RDX: variants seen among roughly 807,000 people sequenced by gnomAD.
The protein encoded by RDX is deafness, autosomal recessive 24.
A neutral mutation model predicts 83.7 loss-of-function variants in RDX; 32 were observed. The ratio of observed to expected loss-of-function variants is 0.38; its 90% CI spans 0.29 to 0.51. The LOEUF (loss-of-function observed/expected upper bound fraction) is 0.51, where lower values mean the gene tolerates loss of function less well. Ranked by LOEUF, RDX falls within the 20% of genes least tolerant of loss-of-function variation. The pLI is 0.87. For missense variants in RDX, 600 were observed against 689.9 expected (o/e 0.87, Z 1.46); for synonymous variants, 229 against 222.7 (o/e 1.03, Z -0.25).
intron 10 of RDX, chr11:110,237,950 A>G (rs1864930672): frequency 3.5e-6 from 1 of 289,380 alleles, no homozygotes; most frequent in Admixed American, 4.5e-5. Flanking sequence ...CAAAAGCCTA[A>G]TAATTTTTAA....
intron 14 of RDX, among the ~76,000 whole-genome samples, chr11:110,222,502 A>G (rs1864283101): frequency 6.6e-6 from 1 of 152,202 alleles, no homozygotes. Flanking sequence ...GAATGCATAT[A>G]AATTACTAAA....
At chr11:110,249,137 T>A (rs1002776043) in intron 9 of RDX, among the ~76,000 whole-genome samples, 1 of 152,218 alleles carries the variant, frequency 6.6e-6, no homozygotes, top group Non-Finnish European at 1.5e-5. Flanking sequence ...ATGGGGAAAC[T>A]CTTATTATCA....
chr11:110,211,999 G>A (rs1480784387), intron 14 of RDX, among the ~76,000 whole-genome samples: 1 of 141,402 alleles, frequency 7.1e-6, no homozygotes, highest in Non-Finnish European at 1.5e-5. Flanking sequence ...CAGAACTGAA[G>A]GAAATAGAGA....
At chr11:110,219,576 C>G (rs1470437585) in intron 14 of RDX, among the ~76,000 whole-genome samples, 1 of 152,052 alleles carries the variant, frequency 6.6e-6, no homozygotes, top group East Asian at 1.9e-4. Context: ...TGGTCACATT[C>G]TGGATACATT....
At chr11:110,221,177 G>T (rs1864234396) in intron 14 of RDX, among the ~76,000 whole-genome samples, 1 of 152,072 alleles carries the variant, frequency 6.6e-6, no homozygotes, top group Admixed American at 6.5e-5. Context: ...ATGGGGAGAG[G>T]GAAATCACAA....
At chr11:110,289,171 G>A (rs1443781621) in intron 1 of RDX, among the ~76,000 whole-genome samples, 2 of 149,578 alleles carry the variant, frequency 1.3e-5, no homozygotes, top group South Asian at 2.1e-4. Flanking sequence ...CTGGGAGGCC[G>A]AGGTTGTGGT....
At chr11:110,246,162 C>A (rs1293623621) in intron 10 of RDX, among the ~76,000 whole-genome samples, 1 of 152,178 alleles carries the variant, frequency 6.6e-6, no homozygotes, top group Non-Finnish European at 1.5e-5. Context: ...TCCTAAAGTG[C>A]TGGGATTACA....
downstream of RDX, among the ~76,000 whole-genome samples, chr11:110,226,446 T>C (rs757129039): frequency 1.3e-5 from 2 of 152,028 alleles, no homozygotes; most frequent in African/African-American, 2.4e-5. Flanking sequence ...AGACAGAAAG[T>C]AGAACAGTGG....
intron 3 of RDX, among the ~76,000 whole-genome samples, chr11:110,266,895 T>G (rs112419693): frequency 2.3e-5 from 1 of 43,576 alleles, no homozygotes; most frequent in Admixed American, 1.9e-4. Context: ...GCCCTTGGTT[T>G]GTTTGTTTGT....
At chr11:110,223,646 G>C (rs987860190) in intron 14 of RDX, among the ~76,000 whole-genome samples, 1 of 152,030 alleles carries the variant, frequency 6.6e-6, no homozygotes, top group African/African-American at 2.4e-5. Context: ...TTGAGAACTA[G>C]ATTGTATTAG....
chr11:110,218,721 G>A lies in RDX; in HGVS notation c.1748+13152C>T, dbSNP rs1429399850. ...TCTGTGACTCGATATATTTGCATAT[G>A]CAGTTACTTCTTTCCAGAAACTTTC... On this transcript the variant is annotated intron_variant, in intron 14 of 15. Coordinates refer to the RDX transcript ENST00000528498. 2.6e-5 allele frequency among the ~76,000 whole-genome samples: 4 copies of A among 152,316 alleles called. No individual in the cohort carries two copies. In the East Asian group the frequency reaches 7.7e-4, roughly 29 times the overall value.
At chr11:110,236,347 T>TG in intron 11 of RDX, 156 bp from the exon 12 acceptor site, 1 of 618,554 alleles carries the variant, frequency 1.6e-6, no homozygotes, top group Non-Finnish European at 2.8e-6. Context: ...AATAGCTTAT[T>TG]TACAATAAGT....
intron 1 of RDX, among the ~76,000 whole-genome samples, chr11:110,291,038 A>C (rs1235912558): frequency 6.6e-6 from 1 of 152,242 alleles, no homozygotes; most frequent in Admixed American, 6.5e-5. Flanking sequence ...CATGTAATAT[A>C]GATGAATAAT....
At chr11:110,218,556 T>C (rs1346835436) in intron 14 of RDX, among the ~76,000 whole-genome samples, 2 of 152,300 alleles carry the variant, frequency 1.3e-5, no homozygotes, top group East Asian at 1.9e-4. Flanking sequence ...CAAACTCAAA[T>C]TGTCCAAAAA....
At chr11:110,249,188 CTACTT>C (rs1259117121) in intron 9 of RDX, among the ~76,000 whole-genome samples, 13 of 152,156 alleles carry the variant, frequency 8.5e-5, no homozygotes, top group African/African-American at 2.9e-4. Flanking sequence ...ATTCAAATCA[CTACTT>C]TAATAACTTA....
At position 110,231,174 on chromosome 11, in the gene RDX, A is replaced by C. The variant is rs1032238223; in HGVS notation, c.*695T>G. On this transcript the variant is annotated 3_prime_UTR_variant, in exon 14 of 14. Transcript: ENST00000645495. ...AAAGGATCACAGGAGATAAAACACC[A>C]ATCAGTGTAAGCTGTTAAAGATGAC... 2 of 152,448 alleles carry C rather than the reference A, an allele frequency of 1.3e-5. No individual in the cohort carries two copies. Among genetic ancestry groups the C allele is most frequent in the East Asian group, 1.9e-4 (1 of 5,208 alleles). 9.4% of individuals were successfully genotyped at this position (152,448 alleles called of 1,614,324 possible). A position where few individuals can be genotyped will look rare whatever the true frequency, so the allele number is the denominator to read the frequency against.
rs543609329 is a variant in RDX at position 110,290,333 on chromosome 11, T to C, written c.-65+6134A>G. 2.1e-3 allele frequency among the ~76,000 whole-genome samples: 316 copies of C among 152,028 alleles called. 1 individual carries two copies. Among genetic ancestry groups the C allele is most frequent in the Non-Finnish European group, 3.6e-3 (245 of 67,952 alleles). On this transcript the variant is annotated intron_variant, in intron 1 of 13. Coordinates refer to ENST00000645495, the MANE Select transcript of RDX (RefSeq NM_002906.4). ...TGAACCCAGGACAGCCTGGGCAACA[T>C]GGTGAGACCCCGTGTCTACAAAAAA...
chr11:110,227,371 T>C (rs569916105), downstream of RDX, among the ~76,000 whole-genome samples: 1 of 152,096 alleles, frequency 6.6e-6, no homozygotes, highest in Admixed American at 6.5e-5. Context: ...AGTAAAAAAC[T>C]AAAACCAGTA....
At chr11:110,200,414 A>T (rs1863360085) in intron 14 of RDX, 1 of 152,246 alleles carries the variant, frequency 6.6e-6, no homozygotes, top group Non-Finnish European at 1.5e-5. Flanking sequence ...GTCAGAATTA[A>T]CTTGACAAAG....
Sources: allele counts gnomAD v4.1 joint callset (sites outside exome capture counted in the v4.1 genomes callset), GRCh38; gene constraint gnomAD v4.1.1; transcripts MANE v1.5; gene names NCBI Gene and HGNC (gene_info 2026-07-23, HGNC 2026-07-21).